Variants in NEIL3 observed in about 807,000 individuals in gnomAD.
NEIL3 encodes the protein endonuclease 8-like 3.
In NEIL3, 48 loss-of-function variants were observed where a neutral mutation model predicts 57.5. The observed-to-expected ratio is 0.83, with a 90% CI of 0.66 to 1.06. The LOEUF (loss-of-function observed/expected upper bound fraction) is 1.06. NEIL3 is among the 50% of genes least tolerant of loss of function. NEIL3 has a pLI of 0.00. For synonymous variants in NEIL3, 261 were observed against 253.2 expected (o/e 1.03, Z -0.29); for missense variants, 717 against 739.1 (o/e 0.97, Z 0.35).
At chr4:177,317,371 T>C (rs1157215681) in intron 1 of NEIL3, among the ~76,000 whole-genome samples, 4 of 152,204 alleles carry the variant, frequency 2.6e-5, no homozygotes, top group Non-Finnish European at 5.9e-5. Context: ...CAATTTCCAT[T>C]GACAGCCATG....
intron 1 of NEIL3, among the ~76,000 whole-genome samples, chr4:177,313,801 C>T (rs544880775): frequency 6.6e-5 from 10 of 152,200 alleles, no homozygotes; most frequent in Non-Finnish European, 1.2e-4. Flanking sequence ...GTGTCAGGAA[C>T]TGAGGAGACA....
rs190898085 is a variant in NEIL3 at position 177,315,015 on chromosome 4, G to C, written c.156+4906G>C. On this transcript the variant is annotated intron_variant, in intron 1 of 9. Coordinates refer to ENST00000264596, the MANE Select transcript of NEIL3 (RefSeq NM_018248.3). ...ACCCAGGAGGTGGAGCTTGCAGTGA[G>C]CCGAGATCGCGCCACTGCACTCGAG... Among the ~76,000 whole-genome samples, 1,003 of 148,464 alleles carry C rather than the reference G, an allele frequency of 6.8e-3. 9 individuals are homozygous for C. The highest frequency in any genetic ancestry group is 0.024 in the African/African-American group (951 of 40,324).
At chr4:177,344,718 C>T (rs1301213874) in intron 6 of NEIL3, among the ~76,000 whole-genome samples, 1 of 151,944 alleles carries the variant, frequency 6.6e-6, no homozygotes, top group South Asian at 2.1e-4. Flanking sequence ...CCCACCACCA[C>T]GCCCAGCTAA....
intron 6 of NEIL3, among the ~76,000 whole-genome samples, chr4:177,348,247 T>G (rs1011509299): frequency 6.6e-6 from 1 of 152,202 alleles, no homozygotes; most frequent in African/African-American, 2.4e-5. Context: ...CGTTCCCACA[T>G]GACGCCCATG....
chr4:177,352,058 T>C (rs1326392686), intron 7 of NEIL3, among the ~76,000 whole-genome samples: 1 of 151,548 alleles, frequency 6.6e-6, no homozygotes, highest in East Asian at 1.9e-4. Flanking sequence ...AATAACTCTT[T>C]ATAGCTCACG....
downstream of NEIL3, among the ~76,000 whole-genome samples, chr4:177,366,246 A>G (rs1022861822): frequency 9.2e-5 from 14 of 152,346 alleles, no homozygotes; most frequent in Admixed American, 5.9e-4. Flanking sequence ...TGTGACAACT[A>G]TATCATCAAG....
chr4:177,370,862 C>G, the NEIL3 span, among the ~76,000 whole-genome samples: 3,907 of 152,106 alleles, frequency 0.026, 171 homozygotes, highest in African/African-American at 0.088. Context: ...GATCATACCA[C>G]TGCCCTCCAG....
At chr4:177,346,967 A>G (rs916698880) in intron 6 of NEIL3, among the ~76,000 whole-genome samples, 6 of 150,808 alleles carry the variant, frequency 4.0e-5, no homozygotes, top group Non-Finnish European at 7.4e-5. Flanking sequence ...GCGCCAATGC[A>G]CTTCACCCTA....
intron 8 of NEIL3, among the ~76,000 whole-genome samples, chr4:177,358,490 C>T (rs577069853): frequency 1.4e-4 from 21 of 151,910 alleles, no homozygotes; most frequent in Admixed American, 9.2e-4. Flanking sequence ...TATTTTTAGT[C>T]GAGACGGGGT....
chr4:177,319,510 A>T (rs1291575671), intron 1 of NEIL3, among the ~76,000 whole-genome samples: 6 of 152,062 alleles, frequency 3.9e-5, no homozygotes, highest in Admixed American at 3.9e-4. Context: ...GGTTACAAGG[A>T]TAAGTTCTTT....
chr4:177,312,165 C>G (rs185285930), intron 1 of NEIL3, among the ~76,000 whole-genome samples: 5 of 152,210 alleles, frequency 3.3e-5, no homozygotes, highest in African/African-American at 1.2e-4. Flanking sequence ...AAGGATAACC[C>G]TATGATAAAG....
chr4:177,310,802 CT>C (rs1312635052), intron 1 of NEIL3, among the ~76,000 whole-genome samples: 1 of 152,200 alleles, frequency 6.6e-6, no homozygotes, highest in Non-Finnish European at 1.5e-5. Context: ...TAAAAGCCCT[CT>C]AGATGTATGG....
At chr4:177,361,145 C>T (rs1453933967) in intron 9 of NEIL3, among the ~76,000 whole-genome samples, 3 of 152,144 alleles carry the variant, frequency 2.0e-5, no homozygotes, top group African/African-American at 7.2e-5. Flanking sequence ...ACACTTGACC[C>T]AAAAAAGTGA....
At chr4:177,315,442 G>A (rs1734556808) in intron 1 of NEIL3, among the ~76,000 whole-genome samples, 1 of 152,140 alleles carries the variant, frequency 6.6e-6, no homozygotes, top group Admixed American at 6.5e-5. Context: ...AACTAAAAAG[G>A]ATGAAATGTT....
chr4:177,332,798 T>C (rs1157487665), intron 2 of NEIL3, among the ~76,000 whole-genome samples: 3 of 152,226 alleles, frequency 2.0e-5, no homozygotes, highest in Admixed American at 6.5e-5. Context: ...TCTCTTCCTC[T>C]TGTGCTCTGC....
intron 8 of NEIL3, among the ~76,000 whole-genome samples, chr4:177,356,194 T>G (rs1402156507): frequency 6.6e-6 from 1 of 152,228 alleles, no homozygotes; most frequent in Non-Finnish European, 1.5e-5. Context: ...ATATTTTTAT[T>G]TCCTTAATGC....
chr4:177,318,134 T>C (rs1415608654), intron 1 of NEIL3, among the ~76,000 whole-genome samples: 1 of 152,184 alleles, frequency 6.6e-6, no homozygotes, highest in East Asian at 1.9e-4. Context: ...CAGGATCTTA[T>C]AGGCTCATTT....
Position 177,343,241 on chromosome 4 carries a change from A to G in NEIL3, c.869+1599A>G, listed in dbSNP as rs1037514712. 3.4e-4 allele frequency: 51 copies of G among 152,180 alleles called. 1 individual carries two copies. The highest frequency in any genetic ancestry group is 1.2e-3 in the African/African-American group (50 of 41,404). 9.4% of individuals were successfully genotyped at this position (152,180 alleles called of 1,614,324 possible). A position where few individuals can be genotyped will look rare whatever the true frequency, so the allele number is the denominator to read the frequency against. On this transcript the variant is annotated intron_variant, in intron 6 of 9. Coordinates refer to ENST00000264596, the MANE Select transcript of NEIL3 (RefSeq NM_018248.3). ...TGTTAGATATGTGAAAGAACCCTGGAATATCCAGGAAGACATGTCTTAGGG... is the reference window on the plus strand; with the variant it reads ...TGTTAGATATGTGAAAGAACCCTGGGATATCCAGGAAGACATGTCTTAGGG...
At chr4:177,336,484 T>C (rs1352348657) in intron 4 of NEIL3, among the ~76,000 whole-genome samples, 163 bp downstream of exon 4, 1 of 152,152 alleles carries the variant, frequency 6.6e-6, no homozygotes, top group Non-Finnish European at 1.5e-5. Context: ...AGCCGGCTCC[T>C]ACCACCGCAC....
Sources: allele counts gnomAD v4.1 joint callset (sites outside exome capture counted in the v4.1 genomes callset), GRCh38; gene constraint gnomAD v4.1.1; transcripts MANE v1.5; gene names NCBI Gene and HGNC (gene_info 2026-07-23, HGNC 2026-07-21).